The following ADORA2B variants were observed in gnomAD, a reference collection of about 807,000 sequenced individuals.
ADORA2B encodes adenosine A2b receptor, also known as adenosine receptor A2b.
In ADORA2B, 18 loss-of-function variants were observed where a neutral mutation model predicts 20.8. The observed-to-expected ratio is 0.87, with a 90% CI of 0.60 to 1.29. The LOEUF (loss-of-function observed/expected upper bound fraction) is 1.29, where lower values mean the gene tolerates loss of function less well. ADORA2B is among the 50% of genes most tolerant of loss of function. The pLI is 0.00. For missense variants in ADORA2B, 441 were observed against 422.7 expected, an observed-to-expected ratio of 1.04 and a Z score of -0.38; for synonymous variants, 179 against 178.3, an observed-to-expected ratio of 1.00 and a Z score of -0.03.
chr17:15,910,965 T>C, the ADORA2B span, among the ~76,000 whole-genome samples: 15 of 152,210 alleles, frequency 9.9e-5, no homozygotes, highest in Non-Finnish European at 1.8e-4. Context: ...TGAAAACTGG[T>C]TACCCCAGTT....
chr17:15,944,974 G>A (rs925363356), upstream of ADORA2B: 3 of 259,842 alleles, frequency 1.2e-5, no homozygotes, highest in East Asian at 1.5e-4. This position sits in a 1 kb window ranked among gnomAD's most constrained non-coding sequence, Gnocchi z 4.8. Context: ...TGGACCGGAG[G>A]GGCCCCGCGC....
upstream of ADORA2B, chr17:15,945,050 G>C (rs1315630189): frequency 2.8e-6 from 1 of 357,018 alleles, no homozygotes; most frequent in African/African-American, 2.1e-5. Flanking sequence ...GCGGGCGCGC[G>C]GGCCAATGGG....
At chr17:15,891,968 C>T in the ADORA2B span, among the ~76,000 whole-genome samples, 1 of 151,234 alleles carries the variant, frequency 6.6e-6, no homozygotes, top group Admixed American at 6.6e-5. Context: ...CTGCCTCAGC[C>T]TTCCCCAGTA....
At chr17:15,871,510 A>G in the ADORA2B span, among the ~76,000 whole-genome samples, 2 of 152,174 alleles carry the variant, frequency 1.3e-5, no homozygotes, top group African/African-American at 2.4e-5. Context: ...TCTGAGAACT[A>G]GGATTACAGG....
At chr17:15,874,060 G>A in the ADORA2B span, among the ~76,000 whole-genome samples, 4,320 of 56,878 alleles carry the variant, frequency 0.076, 236 homozygotes, top group African/African-American at 0.32. Flanking sequence ...ATATATATAT[G>A]TGTGTGTGTA....
chr17:15,915,120 G>A, the ADORA2B span, among the ~76,000 whole-genome samples: 1 of 152,204 alleles, frequency 6.6e-6, no homozygotes, highest in Admixed American at 6.6e-5. Context: ...CCTTCCTGGA[G>A]GCTCTAGAAG....
the ADORA2B span, among the ~76,000 whole-genome samples, chr17:15,906,630 A>T: frequency 1.3e-5 from 2 of 152,300 alleles, no homozygotes; most frequent in South Asian, 4.1e-4. Context: ...GTTGGGAAGT[A>T]TTCCATCCTC....
At chr17:15,898,954 G>A in the ADORA2B span, among the ~76,000 whole-genome samples, 1 of 152,036 alleles carries the variant, frequency 6.6e-6, no homozygotes, top group African/African-American at 2.4e-5. Flanking sequence ...TATAGGCCGG[G>A]CACAGTAGCT....
chr17:15,962,541 AT>A (rs1053975627), intron 1 of ADORA2B, among the ~76,000 whole-genome samples: 7 of 151,446 alleles, frequency 4.6e-5, no homozygotes, highest in Non-Finnish European at 1.0e-4. Flanking sequence ...TATTTTTTCC[AT>A]TTTTTTGAGA....
the ADORA2B span, among the ~76,000 whole-genome samples, chr17:15,910,826 T>C: frequency 7.9e-5 from 12 of 152,136 alleles, no homozygotes; most frequent in Non-Finnish European, 1.5e-4. Flanking sequence ...AGAGGTGGCA[T>C]CTGGGCTCTG....
chr17:15,888,693 G>T, the ADORA2B span, among the ~76,000 whole-genome samples: 1 of 118,300 alleles, frequency 8.5e-6, no homozygotes, highest in Non-Finnish European at 1.7e-5. Flanking sequence ...CAAAATTTTT[G>T]GAATAAAAAG....
intron 1 of ADORA2B, among the ~76,000 whole-genome samples, chr17:15,950,259 G>A (rs991356608): frequency 7.2e-5 from 11 of 152,214 alleles, no homozygotes; most frequent in Admixed American, 1.3e-4. Context: ...CCAGAAGCTG[G>A]AAGAGGCAAC....
At chr17:15,897,057 G>A in the ADORA2B span, among the ~76,000 whole-genome samples, 7 of 152,108 alleles carry the variant, frequency 4.6e-5, no homozygotes, top group East Asian at 1.9e-4. Context: ...GACGATGGCC[G>A]TGCCCCATGC....
chr17:15,966,444 C>A (rs929299878), intron 1 of ADORA2B, among the ~76,000 whole-genome samples: 2 of 152,148 alleles, frequency 1.3e-5, no homozygotes, highest in African/African-American at 2.4e-5. Context: ...ACTAGGAGCA[C>A]CTTGAGAGCT....
the ADORA2B span, among the ~76,000 whole-genome samples, chr17:15,916,524 A>AG: frequency 4.7e-3 from 701 of 150,330 alleles, 3 homozygotes; most frequent in Middle Eastern, 0.021. Context: ...CTGAGCAAGG[A>AG]GGGGGGGTAC....
the ADORA2B span, among the ~76,000 whole-genome samples, chr17:15,865,673 C>T: frequency 6.6e-6 from 1 of 151,824 alleles, no homozygotes; most frequent in African/African-American, 2.4e-5. Context: ...ACTTTCCCAT[C>T]ATAACCCCTC....
chr17:15,975,008 C>T lies in ADORA2B; in HGVS notation c.665C>T (p.Ser222Leu), dbSNP rs1416052950. The change falls in exon 2 of 2, where the codon TCG (serine) becomes TTG (leucine). Residue 222 changes from serine to leucine, a missense_variant. By Grantham distance (145) the Ser-to-Leu change is moderately radical. Coordinates refer to ENST00000304222, the MANE Select transcript of ADORA2B (RefSeq NM_000676.4). ...QLQRTELMDHSRTTLQREIHA... is the reference protein window; with the variant it reads ...QLQRTELMDHLRTTLQREIHA... ...CAGCGCACTGAGCTGATGGACCACTCGAGGACCACCCTCCAGCGGGAGATC... is the reference window on the plus strand; with the variant it reads ...CAGCGCACTGAGCTGATGGACCACTTGAGGACCACCCTCCAGCGGGAGATC... 26 of 1,614,040 alleles carry T rather than the reference C, an allele frequency of 1.6e-5. No homozygotes were observed. The highest frequency in any genetic ancestry group is 1.2e-4 in the South Asian group (11 of 91,076).
At chr17:15,874,139 C>T in the ADORA2B span, among the ~76,000 whole-genome samples, 3 of 148,300 alleles carry the variant, frequency 2.0e-5, no homozygotes, top group African/African-American at 7.5e-5. Context: ...CACACACACA[C>T]CATGGAATGA....
chr17:15,944,553 G>C (rs144993524), upstream of ADORA2B, among the ~76,000 whole-genome samples: 2 of 152,080 alleles, frequency 1.3e-5, no homozygotes, highest in Non-Finnish European at 2.9e-5. The surrounding 1 kb of genome is among the most constrained non-coding windows in gnomAD (Gnocchi z 4.8). Flanking sequence ...GCTGAGCCTC[G>C]CTGGGAGGCG....
Sources: allele counts gnomAD v4.1 joint callset (sites outside exome capture counted in the v4.1 genomes callset), GRCh38; gene constraint gnomAD v4.1.1; non-coding constraint Gnocchi (gnomAD v3.1); transcripts MANE v1.5; gene names NCBI Gene and HGNC (gene_info 2026-07-23, HGNC 2026-07-21).